SIAH2: variants seen among roughly 807,000 people sequenced by gnomAD.
SIAH2 encodes siah E3 ubiquitin protein ligase 2, also known as E3 ubiquitin-protein ligase SIAH2.
A neutral mutation model predicts 20.4 loss-of-function variants in SIAH2; 4 were observed. The observed-to-expected ratio is 0.20, with a 90% CI of 0.10 to 0.45. The LOEUF is 0.45. SIAH2 is among the 20% of genes least tolerant of loss of function. The pLI is 0.99. For missense variants in SIAH2, 259 were observed against 440.3 expected, an observed-to-expected ratio of 0.59 and a Z score of 3.69; for synonymous variants, 171 against 192.5, an observed-to-expected ratio of 0.89 and a Z score of 0.93.
At chr3:150,761,605 T>C (rs896923761) in intron 1 of SIAH2, among the ~76,000 whole-genome samples, 4 of 152,178 alleles carry the variant, frequency 2.6e-5, no homozygotes, top group Non-Finnish European at 4.4e-5. Flanking sequence ...TTTAAAAAGA[T>C]ACACACTAAA....
In SIAH2 at chr3:150,762,809, G is replaced by A. The variant is rs778651839; in HGVS notation, c.41C>T (p.Pro14Leu). 22 of 1,226,912 alleles carry A rather than the reference G, an allele frequency of 1.8e-5. No homozygotes were observed. The East Asian group carries it at 7.3e-4, about 41-fold the overall frequency. The allele number at this position is 1,226,912 out of a possible 1,614,324, so 76.0% of individuals were successfully genotyped here. The change falls in exon 1 of 2, where the codon CCC becomes CTC. Residue 14 changes from proline (P) to leucine (L), a missense_variant. Pro to Leu is a moderately conservative substitution (Grantham distance 98). Around this residue, in one of 2 missense-constraint regions of SIAH2, gnomAD observed 99 missense variants for 112.7 expected, o/e 0.88. Coordinates refer to ENST00000312960, the MANE Select transcript of SIAH2 (RefSeq NM_005067.7). The surrounding 1 kb of genome is among the most constrained non-coding windows in gnomAD (Gnocchi z 6.6). ...PSSTGPSANK[P>L]CSKQPPPQPQ... is the part of the protein sequence containing the mutation. Reference sequence around the variant, plus strand: ...CTGCGGCGGCGGCTGCTTGCTGCAGGGTTTATTAGCGCTGGGGCCGGTGGA... The same window carrying A: ...CTGCGGCGGCGGCTGCTTGCTGCAGAGTTTATTAGCGCTGGGGCCGGTGGA...
rs1714126019 is a variant in SIAH2 at position 150,742,901 on chromosome 3, T to C, written c.418-203A>G. On this transcript the variant is annotated intron_variant, in intron 1 of 1. Coordinates refer to ENST00000312960, the MANE Select transcript of SIAH2 (RefSeq NM_005067.7). The surrounding 1 kb of genome is among the most constrained non-coding windows in gnomAD (Gnocchi z 4.8). The stretch of plus-strand genomic sequence containing the variant: ...GCTGTCATGCATAAAATGAAGGGTA[T>C]TTCCTGAACCAGAAATACGCTGTTT... Among the ~76,000 whole-genome samples, 1 of 152,238 alleles carries C rather than the reference T, an allele frequency of 6.6e-6. No homozygotes were observed. Among genetic ancestry groups the C allele is most frequent in the Admixed American group, 6.5e-5 (1 of 15,292 alleles).
rs1714084541 is a variant in SIAH2, at chr3:150,741,433, G to A, written c.*708C>T. Reference sequence around the variant, plus strand: ...CAAATCTCAGGCGTGCGTTCATGTGGATCTATAGTTCTAGTTTTAATTTGA... The same window carrying A: ...CAAATCTCAGGCGTGCGTTCATGTGAATCTATAGTTCTAGTTTTAATTTGA... On this transcript the variant is annotated 3_prime_UTR_variant, in exon 2 of 2. Coordinates refer to ENST00000312960, the MANE Select transcript of SIAH2 (RefSeq NM_005067.7). 6.5e-6 allele frequency: 1 copy of A among 152,778 alleles called. No homozygotes were observed. Among genetic ancestry groups the A allele is most frequent in the East Asian group, 1.9e-4 (1 of 5,190 alleles). 9.5% of individuals were successfully genotyped at this position (152,778 alleles called of 1,614,324 possible).
At position 150,762,109 on chromosome 3, in the gene SIAH2, T is replaced by A; in HGVS notation, c.417+324A>T. The A allele has an allele frequency of 3.1e-6, 1 of 321,330 alleles. No individual in the cohort carries two copies. Among genetic ancestry groups the A allele is most frequent in the Non-Finnish European group, 5.8e-6 (1 of 172,432 alleles). The allele number at this position is 321,330 out of a possible 1,614,324, so 19.9% of individuals were successfully genotyped here. A position where few individuals can be genotyped will look rare whatever the true frequency, so the allele number is the denominator to read the frequency against. The stretch of plus-strand genomic sequence containing the variant: ...GTCAGTTTCTCGGTCCAAGTTTTAC[T>A]GGTGCGGCCCAGCCCTACCGAGAGT... On this transcript the variant is annotated intron_variant, in intron 1 of 1. Transcript: ENST00000312960. This position sits in a 1 kb window ranked among gnomAD's most constrained non-coding sequence, Gnocchi z 6.6.
At chr3:150,751,460 T>C (rs924235607) in intron 1 of SIAH2, among the ~76,000 whole-genome samples, 1 of 151,800 alleles carries the variant, frequency 6.6e-6, no homozygotes, top group Non-Finnish European at 1.5e-5. Context: ...CATCAACCAA[T>C]AGTGCAGTAA....
At position 150,741,989 on chromosome 3, in the gene SIAH2, G is replaced by T. The variant is rs1032343777; in HGVS notation, c.*152C>A. ...ATCCCAGGTTAATGAACTTTGTTGG[G>T]TCGAAGCCAGATGGGACACTGCTGT... On this transcript the variant is annotated 3_prime_UTR_variant, in exon 2 of 2. Transcript: ENST00000312960. The T allele has an allele frequency of 4.8e-5, 35 of 733,276 alleles. No individual in the cohort carries two copies. Among genetic ancestry groups the T allele is most frequent in the Non-Finnish European group, 6.7e-5 (30 of 447,912 alleles). The allele number at this position is 733,276 out of a possible 1,614,324, so 45.4% of individuals were successfully genotyped here.
rs539462897 is a variant in SIAH2 at position 150,762,661 on chromosome 3, CCCG to C, written c.186_188del (p.Gly63del). 1,904 of 1,454,492 alleles carry C rather than the reference CCCG, an allele frequency of 1.3e-3. No individual in the cohort carries two copies. Among genetic ancestry groups the C allele is most frequent in the South Asian group, 5.7e-3 (393 of 69,514 alleles). The allele number at this position is 1,454,492 out of a possible 1,614,324, so 90.1% of individuals were successfully genotyped here. A position where few individuals can be genotyped will look rare whatever the true frequency, so the allele number is the denominator to read the frequency against. The stretch of plus-strand genomic sequence containing the variant: ...GGTGCTGCGGGGACACCGGGCCGGC[CCCG>C]CCGCCGCCGCCGGGGCCCGAGATCA... On this transcript the variant is annotated inframe_deletion, in exon 1 of 2. Transcript: ENST00000312960. The surrounding 1 kb of genome is among the most constrained non-coding windows in gnomAD (Gnocchi z 6.6).
Position 150,742,268 on chromosome 3 carries a change from A to C in SIAH2, c.848T>G (p.Ile283Ser). 1 of 1,614,180 alleles carries C rather than the reference A, an allele frequency of 6.2e-7. No individual in the cohort carries two copies. Among genetic ancestry groups the C allele is most frequent in the South Asian group, 1.1e-5 (1 of 91,078 alleles). Residue 283 changes from isoleucine to serine, a missense_variant, in exon 2 of 2, where the codon ATT (isoleucine) becomes AGT (serine). Around this residue, in one of 2 missense-constraint regions of SIAH2, gnomAD observed 160 missense variants for 327.6 expected, o/e 0.49. Coordinates refer to ENST00000312960, the MANE Select transcript of SIAH2 (RefSeq NM_005067.7). This position sits in a 1 kb window ranked among gnomAD's most constrained non-coding sequence, Gnocchi z 4.8. ...RLTWEATPRS[I>S]HDGVAAAIMN... is the part of the protein sequence containing the mutation. Reference sequence around the variant, plus strand: ...GATGGCCGCAGCCACACCGTCATGAATCGAACGGGGCGTGGCCTCCCAGGT... The same window carrying C: ...GATGGCCGCAGCCACACCGTCATGACTCGAACGGGGCGTGGCCTCCCAGGT...
Position 150,746,428 on chromosome 3 carries a change from A to G in SIAH2, c.418-3730T>C, listed in dbSNP as rs536533856. Among the ~76,000 whole-genome samples, 48 of 152,212 alleles carry G rather than the reference A, an allele frequency of 3.2e-4. No homozygotes were observed. In the South Asian group the frequency reaches 9.5e-3, roughly 30 times the overall value. The stretch of plus-strand genomic sequence containing the variant: ...AAACAAACAAACAAACAAACAACCT[A>G]AAGGAGAAGGCAGGTGAGGGACCTT... On this transcript the variant is annotated intron_variant, in intron 1 of 1. Transcript: ENST00000312960.
In SIAH2 at chr3:150,742,666, G is replaced by A. The variant is rs1714120837; in HGVS notation, c.450C>T (p.His150=). Residue 150 remains histidine (H), a synonymous_variant, in exon 2 of 2, where the codon CAC becomes CAT. Transcript: ENST00000312960. The surrounding 1 kb of genome is among the most constrained non-coding windows in gnomAD (Gnocchi z 4.8). The part of the protein sequence containing the change: ...YATTGCSLTL[H]HTEKPEHEDI... ...CTTCATGTTCTGGTTTCTCCGTATG[G>A]TGCAGGGTCAGGGAACAGCCCGTGG... 3 of 1,556,716 alleles carry A rather than the reference G, an allele frequency of 1.9e-6. No individual in the cohort carries two copies. The highest frequency in any genetic ancestry group is 2.6e-6 in the Non-Finnish European group (3 of 1,149,002).
chr3:150,758,554 A>G (rs573038719), intron 1 of SIAH2, among the ~76,000 whole-genome samples: 1 of 149,636 alleles, frequency 6.7e-6, no homozygotes, highest in East Asian at 2.0e-4. Flanking sequence ...AAAGCCATAC[A>G]CTATTAGACA....
intron 1 of SIAH2, among the ~76,000 whole-genome samples, chr3:150,747,215 G>C (rs2108118521): frequency 6.6e-6 from 1 of 152,312 alleles, no homozygotes; most frequent in Non-Finnish European, 1.5e-5. Context: ...AACTTCTTTG[G>C]TTTGCAAGGA....
intron 1 of SIAH2, among the ~76,000 whole-genome samples, chr3:150,754,670 T>C (rs960180039): frequency 5.3e-5 from 8 of 152,200 alleles, no homozygotes; most frequent in Non-Finnish European, 7.3e-5. Context: ...TGAGGGAGAT[T>C]ATAGGAGATT....
chr3:150,745,938 T>G (rs575347648), intron 1 of SIAH2, among the ~76,000 whole-genome samples: 9 of 152,274 alleles, frequency 5.9e-5, no homozygotes, highest in African/African-American at 2.2e-4. Flanking sequence ...ATAATAAATT[T>G]AACAACTATG....
chr3:150,742,750 G>A lies in SIAH2; in HGVS notation c.418-52C>T. The A allele has an allele frequency of 1.4e-6, 2 of 1,447,088 alleles. No homozygotes were observed. Among genetic ancestry groups the A allele is most frequent in the South Asian group, 2.8e-5 (2 of 71,886 alleles). The allele number at this position is 1,447,088 out of a possible 1,614,324, so 89.6% of individuals were successfully genotyped here. ...ATTGGGCCTTCTCAAAACTTCTATT[G>A]CTTCAACCCTCTATGAGTACTTAAC... is the stretch of plus-strand genomic sequence containing the variant. On this transcript the variant is annotated intron_variant, in intron 1 of 1. Coordinates refer to ENST00000312960, the MANE Select transcript of SIAH2 (RefSeq NM_005067.7). This position sits in a 1 kb window ranked among gnomAD's most constrained non-coding sequence, Gnocchi z 4.8.
At position 150,762,621 on chromosome 3, in the gene SIAH2, G is replaced by C. The variant is rs758412699; in HGVS notation, c.229C>G (p.Leu77Val). 1.9e-6 allele frequency: 3 copies of C among 1,610,506 alleles called. No homozygotes were observed. Among genetic ancestry groups the C allele is most frequent in the Non-Finnish European group, 2.5e-6 (3 of 1,179,028 alleles). Residue 77 changes from leucine to valine, a missense_variant, in exon 1 of 2, where the codon CTC becomes GTC. Around this residue, in one of 2 missense-constraint regions of SIAH2, gnomAD observed 99 missense variants for 112.7 expected, o/e 0.88. Coordinates refer to ENST00000312960, the MANE Select transcript of SIAH2 (RefSeq NM_005067.7). This position sits in a 1 kb window ranked among gnomAD's most constrained non-coding sequence, Gnocchi z 6.6. The part of the protein sequence containing the change: ...VSPQHHELTS[L>V]FECPVCFDYV... ...TCAAAGCAGACCGGACACTCGAAGA[G>C]CGAGGTCAGCTCGTGGTGCTGCGGG...
Position 150,742,520 on chromosome 3 carries a change from T to C in SIAH2, c.596A>G (p.Gln199Arg), listed in dbSNP as rs927741173. Residue 199 changes from glutamine (Q) to arginine (R), a missense_variant, in exon 2 of 2, where the codon CAG becomes CGG. By Grantham distance (43) the Gln-to-Arg change is conservative. Coordinates refer to ENST00000312960, the MANE Select transcript of SIAH2 (RefSeq NM_005067.7). This position sits in a 1 kb window ranked among gnomAD's most constrained non-coding sequence, Gnocchi z 4.8. The stretch of plus-strand genomic sequence containing the variant: ...AGCTAGAAAGACGATGTCTTCTCCC[T>C]GAAGGGTGGTAATGCTCTTGTGGGC... The part of the protein sequence containing the change: ...MHAHKSITTL[Q>R]GEDIVFLATD... The C allele has an allele frequency of 4.3e-6, 7 of 1,614,008 alleles. No homozygotes were observed. The highest frequency in any genetic ancestry group is 8.5e-7 in the Non-Finnish European group (1 of 1,179,990).
intron 1 of SIAH2, among the ~76,000 whole-genome samples, chr3:150,750,597 T>C (rs997495110): frequency 6.6e-6 from 1 of 152,026 alleles, no homozygotes; most frequent in Non-Finnish European, 1.5e-5. Context: ...TTTTTTTTTA[T>C]TGAAATGACG....
chr3:150,753,743 G>A (rs747769010), intron 1 of SIAH2, among the ~76,000 whole-genome samples: 2 of 152,072 alleles, frequency 1.3e-5, no homozygotes, highest in Non-Finnish European at 2.9e-5. Flanking sequence ...GCAGTGAGCT[G>A]TGATTATGCC....
Sources: allele counts gnomAD v4.1 joint callset (sites outside exome capture counted in the v4.1 genomes callset), GRCh38; gene constraint gnomAD v4.1.1; regional missense constraint gnomAD v4.1.1; non-coding constraint Gnocchi (gnomAD v3.1); transcripts MANE v1.5; gene names NCBI Gene and HGNC (gene_info 2026-07-23, HGNC 2026-07-21).